RUFY2: variants seen among roughly 807,000 people sequenced by gnomAD.
RUFY2 encodes the protein RUN and FYVE domain containing 2.
Under a neutral mutation model 94.4 loss-of-function variants are expected in RUFY2, and 49 were observed. That is an observed-to-expected ratio of 0.52 (90% CI 0.41 to 0.66). The LOEUF is 0.66. Ranked by LOEUF, RUFY2 falls within the 30% of genes least tolerant of loss-of-function variation. The probability of loss-of-function intolerance (pLI) is 0.00; values close to 1 mark genes in which losing one functional copy is unlikely to be tolerated. For synonymous variants in RUFY2, 255 were observed against 235.7 expected (o/e 1.08, Z -0.75); for missense variants, 541 against 692.8 (o/e 0.78, Z 2.46).
chr10:68,370,535 T>G (rs2048196184), intron 13 of RUFY2, among the ~76,000 whole-genome samples: 1 of 150,148 alleles, frequency 6.7e-6, no homozygotes, highest in Non-Finnish European at 1.5e-5. Flanking sequence ...TAGTCCTAGC[T>G]ACTCAGGAAG....
chr10:68,406,818 C>A, intron 1 of RUFY2: 1 of 1,612,644 alleles, frequency 6.2e-7, no homozygotes, highest in Non-Finnish European at 8.5e-7. Flanking sequence ...AGGCCAAAAC[C>A]TGAGATGCGT....
chr10:68,383,354 C>T (rs1392359802), intron 10 of RUFY2, among the ~76,000 whole-genome samples: 2 of 147,984 alleles, frequency 1.4e-5, no homozygotes, highest in Non-Finnish European at 3.0e-5. Context: ...CGCAGTGGCT[C>T]ACGCCTGTAA....
intron 2 of RUFY2, 29 bp downstream of exon 2, chr10:68,404,642 T>A: frequency 6.8e-7 from 1 of 1,468,342 alleles, no homozygotes; most frequent in Non-Finnish European, 9.1e-7. Context: ...AATTCTAAAA[T>A]GAATTAATTT....
chr10:68,401,613 T>A lies in RUFY2; in HGVS notation c.296+7A>T. Reference sequence around the variant, plus strand: ...GCTAGGGATGAACAAGTAATAGGCCTCCTTACTTCAGACCAGGTAGATCCC... The same window carrying A: ...GCTAGGGATGAACAAGTAATAGGCCACCTTACTTCAGACCAGGTAGATCCC... On this transcript the variant is annotated splice_region_variant and intron_variant, in intron 3 of 17. Coordinates refer to ENST00000602465, the MANE Select transcript of RUFY2 (RefSeq NM_001330103.2). 1.3e-6 allele frequency: 2 copies of A among 1,560,938 alleles called. No homozygotes were observed. The highest frequency in any genetic ancestry group is 3.3e-5 in the Admixed American group (2 of 59,908).
At chr10:68,388,217 C>A (rs1198165189) in intron 7 of RUFY2, among the ~76,000 whole-genome samples, 2 of 152,118 alleles carry the variant, frequency 1.3e-5, no homozygotes, top group Non-Finnish European at 2.9e-5. Flanking sequence ...GTAATCCCAG[C>A]ACTTTGGGAG....
Position 68,378,356 on chromosome 10 carries a change from A to C in RUFY2, c.1205+1068T>G, listed in dbSNP as rs547582651. The C allele has an allele frequency of 2.7e-5, 33 of 1,225,260 alleles. No individual in the cohort carries two copies. The South Asian group carries it at 1.0e-3, about 38-fold the overall frequency. The allele number at this position is 1,225,260 out of a possible 1,614,324, so 75.9% of individuals were successfully genotyped here. On this transcript the variant is annotated intron_variant, in intron 12 of 17. Coordinates refer to ENST00000602465, the MANE Select transcript of RUFY2 (RefSeq NM_001330103.2). ...TCAATACTCAAATCACCCTTTGTGC[A>C]CAAGGTTTGAGGAACGTATGTCTGG...
chr10:68,358,121 T>C (rs1247978154), intron 15 of RUFY2, among the ~76,000 whole-genome samples: 2 of 152,098 alleles, frequency 1.3e-5, no homozygotes, highest in Admixed American at 6.6e-5. Flanking sequence ...CTGGAAGGCA[T>C]AGGTTGCAAT....
At chr10:68,349,205 T>C (rs2046486481) in intron 16 of RUFY2, among the ~76,000 whole-genome samples, 1 of 152,056 alleles carries the variant, frequency 6.6e-6, no homozygotes, top group South Asian at 2.1e-4. Flanking sequence ...ATCACAACAT[T>C]TGAGAAAACT....
chr10:68,363,868 ATTTT>A, intron 14 of RUFY2, 112 bp downstream of exon 14: 1 of 903,024 alleles, frequency 1.1e-6, no homozygotes, highest in African/African-American at 1.7e-5. Flanking sequence ...CTTTACTGAT[ATTTT>A]TTAAGATGAC....
At chr10:68,405,534 G>A (rs1004558417) in intron 1 of RUFY2, 12 of 765,352 alleles carry the variant, frequency 1.6e-5, no homozygotes, top group Non-Finnish European at 1.9e-5. Context: ...TCATGCAAAA[G>A]GTAGATAGCA....
At chr10:68,394,612 T>C (rs2133085827) in intron 4 of RUFY2, among the ~76,000 whole-genome samples, 161 bp from the exon 5 acceptor site, 1 of 149,470 alleles carries the variant, frequency 6.7e-6, no homozygotes, top group South Asian at 2.1e-4. Flanking sequence ...TAACTTTTTA[T>C]ATTTTTTATT....
rs1474956101 is a variant in RUFY2, at chr10:68,345,109, A to T, written c.*659T>A. ...GATGGTTATATGTAACTTCCTTTCA[A>T]GATTAAAAGGAAAAAAGTAGAGGCC... On this transcript the variant is annotated 3_prime_UTR_variant, in exon 18 of 18. Coordinates refer to ENST00000602465, the MANE Select transcript of RUFY2 (RefSeq NM_001330103.2). 1 of 152,448 alleles carries T rather than the reference A, an allele frequency of 6.6e-6. No homozygotes were observed. The highest frequency in any genetic ancestry group is 1.9e-4 in the East Asian group (1 of 5,204). The allele number at this position is 152,448 out of a possible 1,614,324, so 9.4% of individuals were successfully genotyped here. A position where few individuals can be genotyped will look rare whatever the true frequency, so the allele number is the denominator to read the frequency against.
intron 7 of RUFY2, 37 bp from the exon 8 acceptor site, chr10:68,386,165 C>A: frequency 6.4e-7 from 1 of 1,564,872 alleles, no homozygotes; most frequent in Admixed American, 1.8e-5. Context: ...TTCAAAATCA[C>A]ACGAACTCAA....
At chr10:68,383,985 C>T in intron 9 of RUFY2, 66 bp downstream of exon 9, 2 of 1,568,332 alleles carry the variant, frequency 1.3e-6, no homozygotes, top group Non-Finnish European at 1.8e-6. Context: ...CCTACTTCAT[C>T]CAAAAATCCC....
chr10:68,370,381 T>C (rs1208090795), intron 13 of RUFY2, among the ~76,000 whole-genome samples: 1 of 150,938 alleles, frequency 6.6e-6, no homozygotes, highest in Non-Finnish European at 1.5e-5. Context: ...GCAACCCCAC[T>C]GGTAACAATG....
chr10:68,377,847 T>TC, intron 12 of RUFY2: 1 of 985,292 alleles, frequency 1.0e-6, no homozygotes, highest in East Asian at 1.1e-4. Context: ...AAAAAACTCT[T>TC]CCTCTTCCTT....
chr10:68,345,593 C>T lies in RUFY2; in HGVS notation c.*175G>A. ...TCTGTTGAAAATACATTTTGAAAAACAATGGGGAAGGAAATATATAACTTG... is the reference window on the plus strand; with the variant it reads ...TCTGTTGAAAATACATTTTGAAAAATAATGGGGAAGGAAATATATAACTTG... On this transcript the variant is annotated 3_prime_UTR_variant, in exon 18 of 18. Transcript: ENST00000602465. 1 of 530,950 alleles carries T rather than the reference C, an allele frequency of 1.9e-6. No homozygotes were observed. Among genetic ancestry groups the T allele is most frequent in the Non-Finnish European group, 3.2e-6 (1 of 308,924 alleles). The allele number at this position is 530,950 out of a possible 1,614,324, so 32.9% of individuals were successfully genotyped here. A position where few individuals can be genotyped will look rare whatever the true frequency, so the allele number is the denominator to read the frequency against.
rs769765126 is a variant in RUFY2 at position 68,384,135 on chromosome 10, A to G, written c.738T>C (p.Asn246=). Residue 246 remains asparagine (N), a synonymous_variant, in exon 9 of 18, where the codon AAT becomes AAC. Transcript: ENST00000602465. ...TTTCTTCCTGGAGTTTAATGATGTT[A>G]TTCTTTGCTATTGCTAACTAAAAAT... The part of the protein sequence containing the change: ...KLIEELAIAK[N]NIIKLQEENH... The G allele has an allele frequency of 6.2e-7, 1 of 1,608,912 alleles. No individual in the cohort carries two copies. The highest frequency in any genetic ancestry group is 8.5e-7 in the Non-Finnish European group (1 of 1,179,422).
chr10:68,396,771 A>G lies in RUFY2; in HGVS notation c.398+9T>C. The G allele has an allele frequency of 6.4e-7, 1 of 1,572,296 alleles. No individual in the cohort carries two copies. Among genetic ancestry groups the G allele is most frequent in the South Asian group, 1.1e-5 (1 of 89,544 alleles). ...AAAAATGAAAAGATCACGACTTAAT[A>G]GTACTAACCTCAAGAGATCCCTCTG... On this transcript the variant is annotated intron_variant, in intron 4 of 17. Transcript: ENST00000602465.
Sources: allele counts gnomAD v4.1 joint callset (sites outside exome capture counted in the v4.1 genomes callset), GRCh38; gene constraint gnomAD v4.1.1; transcripts MANE v1.5; gene names NCBI Gene and HGNC (gene_info 2026-07-23, HGNC 2026-07-21).